The following CIB1 variants were observed in gnomAD, a reference collection of about 807,000 sequenced individuals.
CIB1 encodes the protein calcium and integrin binding 1.
A neutral mutation model predicts 25.0 loss-of-function variants in CIB1; 19 were observed. The ratio of observed to expected loss-of-function variants is 0.76; its 90% CI spans 0.53 to 1.12. CIB1 has a LOEUF of 1.12. Ranked by LOEUF, CIB1 falls within the 50% of genes most tolerant of loss-of-function variation. The pLI is 0.00. For missense variants in CIB1, 236 were observed against 242.6 expected (o/e 0.97, Z 0.18); for synonymous variants, 104 against 98.5 (o/e 1.06, Z -0.33).
the CIB1 span, chr15:90,257,432 G>C: frequency 2.4e-6 from 3 of 1,255,250 alleles, no homozygotes; most frequent in East Asian, 7.4e-5. Context: ...CAAGTGTTTG[G>C]TAGGTGGTGA....
chr15:90,250,069 TC>T, the CIB1 span, among the ~76,000 whole-genome samples: 65 of 151,908 alleles, frequency 4.3e-4, no homozygotes, highest in African/African-American at 1.5e-3. Flanking sequence ...GTGATTCTCC[TC>T]CCTCAGCCTC....
chr15:90,257,524 G>C, the CIB1 span: 15 of 1,071,540 alleles, frequency 1.4e-5, no homozygotes, highest in Non-Finnish European at 2.0e-5. Context: ...CTGGTGGAGA[G>C]AGACAGGAGA....
At chr15:90,252,957 C>T in the CIB1 span, among the ~76,000 whole-genome samples, 3 of 152,086 alleles carry the variant, frequency 2.0e-5, no homozygotes, top group Non-Finnish European at 4.4e-5. Context: ...GAGCCAAGAC[C>T]GTGCCACTGC....
At chr15:90,265,704 T>C in the CIB1 span, 1 of 1,613,244 alleles carries the variant, frequency 6.2e-7, no homozygotes, top group Non-Finnish European at 8.5e-7. Context: ...AAGGCTGGTT[T>C]GCGTCGACAT....
At chr15:90,244,310 G>T in the CIB1 span, 2 of 152,186 alleles carry the variant, frequency 1.3e-5, no homozygotes, top group East Asian at 3.9e-4. Context: ...TCCTCTTGAT[G>T]TAGACACAAA....
At chr15:90,232,513 A>G (rs1962521213) in intron 2 of CIB1, 186 bp from the exon 3 acceptor site, 1 of 827,868 alleles carries the variant, frequency 1.2e-6, no homozygotes, top group Non-Finnish European at 1.7e-6. Context: ...CTAGGAGTCT[A>G]TTCTTGCAAT....
At chr15:90,259,034 C>CTT in the CIB1 span, 1 of 1,580,820 alleles carries the variant, frequency 6.3e-7, no homozygotes. Context: ...TCAAAAACAA[C>CTT]TTTTTGCATA....
chr15:90,236,743 G>A (rs1193825738), upstream of CIB1, among the ~76,000 whole-genome samples: 7 of 151,564 alleles, frequency 4.6e-5, no homozygotes, highest in East Asian at 7.7e-4. Context: ...TCACCATGTC[G>A]GCCAGGATGG....
chr15:90,237,275 T>G (rs1962655378), upstream of CIB1, among the ~76,000 whole-genome samples: 1 of 128,498 alleles, frequency 7.8e-6, no homozygotes, highest in African/African-American at 3.1e-5. Context: ...GTAATTTTCT[T>G]TTTTTCCCTT....
At chr15:90,241,235 G>A in the CIB1 span, 40 of 1,613,992 alleles carry the variant, frequency 2.5e-5, no homozygotes, top group East Asian at 2.5e-4. Flanking sequence ...GGAGGCCCCC[G>A]CAGACCATCA....
chr15:90,261,888 C>G, the CIB1 span: 1 of 794,296 alleles, frequency 1.3e-6, no homozygotes, highest in Non-Finnish European at 1.9e-6. Flanking sequence ...CCTACTTGGG[C>G]AGGGGCCCAG....
chr15:90,238,953 CA>C (rs1401894395), upstream of CIB1, among the ~76,000 whole-genome samples: 1 of 151,564 alleles, frequency 6.6e-6, no homozygotes, highest in Non-Finnish European at 1.5e-5. Flanking sequence ...AAAATAAAAC[CA>C]AAACCTGAGC....
the CIB1 span, chr15:90,265,623 G>A: frequency 6.6e-7 from 1 of 1,524,848 alleles, no homozygotes; most frequent in Admixed American, 1.8e-5. Flanking sequence ...CTACTACCCA[G>A]CCTCCGGCCC....
chr15:90,261,934 T>G, the CIB1 span: 1 of 1,268,530 alleles, frequency 7.9e-7, no homozygotes, highest in Non-Finnish European at 1.0e-6. Flanking sequence ...CTCCAAACCT[T>G]AGTCAGTCTT....
chr15:90,237,194 C>G (rs145254265), upstream of CIB1, among the ~76,000 whole-genome samples: 3,669 of 151,912 alleles, frequency 0.024, 141 homozygotes, highest in African/African-American at 0.08. Flanking sequence ...CTCCTGACCT[C>G]GTGATCCACC....
the CIB1 span, among the ~76,000 whole-genome samples, chr15:90,256,787 C>G: frequency 6.6e-6 from 1 of 152,040 alleles, no homozygotes; most frequent in African/African-American, 2.4e-5. Flanking sequence ...CTCCCGGGTT[C>G]AAGCAATTCT....
At chr15:90,264,996 T>G in the CIB1 span, 3 of 1,517,148 alleles carry the variant, frequency 2.0e-6, no homozygotes, top group Non-Finnish European at 2.6e-6. Flanking sequence ...CTACCTCTCC[T>G]GGATAACCTC....
the CIB1 span, chr15:90,253,422 T>G: frequency 1.5e-6 from 2 of 1,363,626 alleles, no homozygotes; most frequent in Non-Finnish European, 2.0e-6. Context: ...GAATGACTAT[T>G]CCCACCTCCT....
chr15:90,239,113 A>G, the CIB1 span, among the ~76,000 whole-genome samples: 1 of 152,192 alleles, frequency 6.6e-6, no homozygotes, highest in Non-Finnish European at 1.5e-5. Context: ...AACCTATATA[A>G]ACAGTTGAAG....
Sources: allele counts gnomAD v4.1 joint callset (sites outside exome capture counted in the v4.1 genomes callset), GRCh38; gene constraint gnomAD v4.1.1; transcripts MANE v1.5; gene names NCBI Gene and HGNC (gene_info 2026-07-23, HGNC 2026-07-21).